CSMD1: variants seen among roughly 807,000 people sequenced by gnomAD.
CSMD1 encodes CUB and sushi domain-containing protein 1.
Under a neutral mutation model 417.5 loss-of-function variants are expected in CSMD1, and 213 were observed. That is an observed-to-expected ratio of 0.51 (90% confidence interval 0.46 to 0.57). The LOEUF (loss-of-function observed/expected upper bound fraction) is 0.57, where lower values mean the gene tolerates loss of function less well. CSMD1 is among the 20% of genes least tolerant of loss of function. The probability of loss-of-function intolerance (pLI) is 0.00; values close to 1 mark genes in which losing one functional copy is unlikely to be tolerated. For missense variants in CSMD1, 6,923 were observed against 4,529.7 expected, an observed-to-expected ratio of 1.53 and a Z score of -15.17; for synonymous variants, 2,862 against 1,736.8, an observed-to-expected ratio of 1.65 and a Z score of -16.11.
intron 6 of CSMD1, among the ~76,000 whole-genome samples, chr8:3,723,108 G>T (rs911867449): frequency 6.6e-6 from 1 of 152,130 alleles, no homozygotes; most frequent in African/African-American, 2.4e-5. Context: ...ATTCAGTCAG[G>T]TTATTGGTGA....
chr8:3,584,705 T>G (rs966658809), intron 9 of CSMD1, among the ~76,000 whole-genome samples: 1 of 152,240 alleles, frequency 6.6e-6, no homozygotes, highest in Non-Finnish European at 1.5e-5. Context: ...TTTAAAAGAA[T>G]GCACATTTAC....
chr8:4,460,182 G>C (rs917137730), intron 2 of CSMD1, among the ~76,000 whole-genome samples: 1 of 151,912 alleles, frequency 6.6e-6, no homozygotes, highest in African/African-American at 2.4e-5. Flanking sequence ...CTCAATGCAA[G>C]AAAATTAGAA....
At chr8:3,113,229 C>T (rs1816638548) in intron 42 of CSMD1, 1 of 152,318 alleles carries the variant, frequency 6.6e-6, no homozygotes, top group African/African-American at 2.4e-5. Flanking sequence ...CTGGGAGACA[C>T]TGGTCCAAGC....
intron 1 of CSMD1, among the ~76,000 whole-genome samples, chr8:4,701,900 C>A (rs945317238): frequency 4.6e-5 from 7 of 152,156 alleles, no homozygotes; most frequent in African/African-American, 1.7e-4. Flanking sequence ...ACATGTGGCA[C>A]ACGTACACTG....
intron 3 of CSMD1, among the ~76,000 whole-genome samples, chr8:4,289,296 C>T (rs562522029): frequency 7.9e-5 from 12 of 152,210 alleles, no homozygotes; most frequent in East Asian, 1.9e-4. Context: ...ATAATTTCAC[C>T]CATTATATAT....
chr8:3,813,378 G>A (rs977443336), intron 5 of CSMD1, among the ~76,000 whole-genome samples: 1 of 152,124 alleles, frequency 6.6e-6, no homozygotes, highest in Non-Finnish European at 1.5e-5. Flanking sequence ...TAAATAAACA[G>A]TCTAGGAGAT....
At chr8:3,806,246 T>G (rs1416083492) in intron 5 of CSMD1, among the ~76,000 whole-genome samples, 2 of 152,294 alleles carry the variant, frequency 1.3e-5, no homozygotes, top group African/African-American at 4.8e-5. Context: ...ACATGCAGGT[T>G]GTTTTCACAG....
At chr8:4,176,524 C>A (rs1460019048) in intron 3 of CSMD1, among the ~76,000 whole-genome samples, 1 of 152,088 alleles carries the variant, frequency 6.6e-6, no homozygotes, top group Non-Finnish European at 1.5e-5. Flanking sequence ...TGTGACATAT[C>A]AATCACCATT....
At chr8:4,305,544 G>A (rs1426263516) in intron 3 of CSMD1, among the ~76,000 whole-genome samples, 1 of 152,194 alleles carries the variant, frequency 6.6e-6, no homozygotes, top group Non-Finnish European at 1.5e-5. Context: ...TCCCAGTATT[G>A]CTGTTCTCTC....
At chr8:3,728,915 C>T (rs1364712121) in intron 6 of CSMD1, among the ~76,000 whole-genome samples, 1 of 152,178 alleles carries the variant, frequency 6.6e-6, no homozygotes, top group African/African-American at 2.4e-5. Context: ...TCACCGACTG[C>T]ATTTTAAATC....
chr8:3,288,688 CT>C (rs1176343368), intron 25 of CSMD1, among the ~76,000 whole-genome samples: 1 of 146,840 alleles, frequency 6.8e-6, no homozygotes, highest in East Asian at 2.0e-4. Flanking sequence ...ATTCTTCTCT[CT>C]TTTCTTCTTT....
intron 3 of CSMD1, among the ~76,000 whole-genome samples, chr8:4,247,811 T>G (rs1217811034): frequency 6.6e-6 from 1 of 152,196 alleles, no homozygotes; most frequent in Non-Finnish European, 1.5e-5. Context: ...CCAAAGCAAG[T>G]GCTTAAGTTC....
intron 2 of CSMD1, among the ~76,000 whole-genome samples, chr8:4,623,722 CA>C (rs1801917322): frequency 5.3e-5 from 8 of 151,850 alleles, no homozygotes; most frequent in African/African-American, 1.7e-4. Context: ...AGAAGTTAGG[CA>C]TATACAGATG....
At position 4,232,830 on chromosome 8, in the gene CSMD1, AC is replaced by A. The variant is rs1801824101; in HGVS notation, c.415+187122del. Among the ~76,000 whole-genome samples the A allele has an allele frequency of 2.0e-5, 3 of 152,122 alleles. No individual in the cohort carries two copies. The South Asian group carries it at 6.2e-4, about 32-fold the overall frequency. On this transcript the variant is annotated intron_variant, in intron 3 of 69. Coordinates refer to ENST00000635120, the MANE Select transcript of CSMD1 (RefSeq NM_033225.6). The stretch of plus-strand genomic sequence containing the variant: ...CCTCGAAATCTAAAAGACAAACATT[AC>A]TTTATTTATTTATTTATATATTTAT...
chr8:4,804,487 C>T (rs1454796865), intron 1 of CSMD1, among the ~76,000 whole-genome samples: 1 of 148,164 alleles, frequency 6.7e-6, no homozygotes, highest in African/African-American at 2.5e-5. Context: ...AAAAGGGATT[C>T]CTGACTGACT....
intron 5 of CSMD1, among the ~76,000 whole-genome samples, chr8:3,953,802 T>C (rs1193977297): frequency 6.6e-6 from 1 of 152,034 alleles, no homozygotes; most frequent in Non-Finnish European, 1.5e-5. Context: ...CTCAGAGCTA[T>C]ACAGCCATGA....
At chr8:3,414,457 C>A (rs955657787) in intron 12 of CSMD1, among the ~76,000 whole-genome samples, 1 of 152,112 alleles carries the variant, frequency 6.6e-6, no homozygotes, top group African/African-American at 2.4e-5. Flanking sequence ...TGCCTCAGTT[C>A]AGGTTCTCAC....
intron 3 of CSMD1, among the ~76,000 whole-genome samples, chr8:4,210,328 G>C (rs538071254): frequency 6.6e-6 from 1 of 152,198 alleles, no homozygotes; most frequent in African/African-American, 2.4e-5. Context: ...GTGGGATTGT[G>C]CTGTGTCAAG....
intron 1 of CSMD1, among the ~76,000 whole-genome samples, chr8:4,978,367 CACTG>C (rs1810686869): frequency 6.6e-6 from 1 of 152,098 alleles, no homozygotes; most frequent in Admixed American, 6.5e-5. Flanking sequence ...AGCCAGATCA[CACTG>C]ACTGCCTTAA....
Sources: allele counts gnomAD v4.1 joint callset (sites outside exome capture counted in the v4.1 genomes callset), GRCh38; gene constraint gnomAD v4.1.1; transcripts MANE v1.5; gene names NCBI Gene and HGNC (gene_info 2026-07-23, HGNC 2026-07-21).